The following BRINP2 variants were observed in gnomAD, a reference collection of about 807,000 sequenced individuals.
The protein encoded by BRINP2 is BMP/retinoic acid-inducible neural-specific protein 2.
In BRINP2, 21 loss-of-function variants were observed where a neutral mutation model predicts 69.2. The observed-to-expected ratio is 0.30, with a 90% CI of 0.22 to 0.44. The LOEUF (loss-of-function observed/expected upper bound fraction) is 0.44. Ranked by LOEUF, BRINP2 falls within the 20% of genes least tolerant of loss-of-function variation. The probability of loss-of-function intolerance (pLI) is 1.00; values close to 1 mark genes in which losing one functional copy is unlikely to be tolerated. For missense variants in BRINP2, 877 were observed against 986.0 expected (o/e 0.89, Z 1.48); for synonymous variants, 380 against 394.1 (o/e 0.96, Z 0.42).
intron 1 of BRINP2, among the ~76,000 whole-genome samples, chr1:177,199,964 T>C (rs1648853733): frequency 6.6e-6 from 1 of 152,150 alleles, no homozygotes; most frequent in South Asian, 2.1e-4. Flanking sequence ...ACCTCTGAAC[T>C]GGTCTCTACT....
At chr1:177,261,992 T>C (rs1650969684) in intron 4 of BRINP2, among the ~76,000 whole-genome samples, 1 of 152,168 alleles carries the variant, frequency 6.6e-6, no homozygotes, top group Non-Finnish European at 1.5e-5. Flanking sequence ...TGGAGGTCAC[T>C]GGTAACCTGG....
At chr1:177,176,833 T>C (rs1257099639) in intron 1 of BRINP2, among the ~76,000 whole-genome samples, 1 of 152,176 alleles carries the variant, frequency 6.6e-6, no homozygotes, top group African/African-American at 2.4e-5. Flanking sequence ...AGCTCTCAGC[T>C]CACATACAAA....
intron 2 of BRINP2, among the ~76,000 whole-genome samples, chr1:177,232,783 G>GAA (rs11325642): frequency 6.9e-6 from 1 of 145,708 alleles, no homozygotes; most frequent in African/African-American, 2.5e-5. Context: ...GTAGAAAGAG[G>GAA]AAAAAAAAAA....
At chr1:177,187,563 G>T (rs980257864) in intron 1 of BRINP2, among the ~76,000 whole-genome samples, 2 of 152,154 alleles carry the variant, frequency 1.3e-5, no homozygotes, top group African/African-American at 4.8e-5. Context: ...AGCTTCTGGG[G>T]CTTCATATGA....
intron 2 of BRINP2, among the ~76,000 whole-genome samples, chr1:177,251,825 C>T (rs900784753): frequency 9.2e-5 from 14 of 152,112 alleles, no homozygotes; most frequent in Non-Finnish European, 1.9e-4. Flanking sequence ...CTAAGTTGGC[C>T]TTTCCTTTCC....
intron 3 of BRINP2, 31 bp downstream of exon 3, chr1:177,256,140 G>T (rs201587895): frequency 4.5e-5 from 73 of 1,605,498 alleles, no homozygotes; most frequent in Admixed American, 4.2e-4. Flanking sequence ...AAGCTAATTG[G>T]TTGCCAGACC....
intron 2 of BRINP2, among the ~76,000 whole-genome samples, chr1:177,237,855 C>T (rs912857909): frequency 2.0e-5 from 3 of 152,154 alleles, no homozygotes; most frequent in Admixed American, 6.5e-5. Flanking sequence ...CCGACAGGGA[C>T]GCTGTCGAGT....
At chr1:177,243,463 C>A (rs956289732) in intron 2 of BRINP2, among the ~76,000 whole-genome samples, 2 of 152,140 alleles carry the variant, frequency 1.3e-5, no homozygotes, top group African/African-American at 4.8e-5. Context: ...CTAGACCCAA[C>A]AAGCAAGAAG....
At chr1:177,267,088 G>A (rs1364384049) in intron 4 of BRINP2, among the ~76,000 whole-genome samples, 3 of 152,108 alleles carry the variant, frequency 2.0e-5, no homozygotes, top group Non-Finnish European at 4.4e-5. Flanking sequence ...CATAGATTAG[G>A]CTCTTCTGCT....
chr1:177,201,752 C>T (rs1035463537), intron 1 of BRINP2, among the ~76,000 whole-genome samples: 2 of 152,084 alleles, frequency 1.3e-5, no homozygotes, highest in East Asian at 1.9e-4. Context: ...TTTCTATTGA[C>T]TGGAATAGTT....
At chr1:177,174,441 T>C (rs1409873445) in intron 1 of BRINP2, among the ~76,000 whole-genome samples, 2 of 152,226 alleles carry the variant, frequency 1.3e-5, no homozygotes, top group Admixed American at 6.5e-5. Context: ...GTTAGGAAAC[T>C]AGGCTCCCAT....
intron 1 of BRINP2, among the ~76,000 whole-genome samples, chr1:177,224,372 C>G (rs932065029): frequency 3.3e-5 from 5 of 152,324 alleles, no homozygotes; most frequent in South Asian, 2.1e-4. Flanking sequence ...TTTTATGTTT[C>G]AGTCCCTTTC....
At chr1:177,172,315 C>G (rs902847299) in intron 1 of BRINP2, among the ~76,000 whole-genome samples, 1 of 152,190 alleles carries the variant, frequency 6.6e-6, no homozygotes, top group African/African-American at 2.4e-5. Context: ...TTGACTTGAG[C>G]CTGGCAGAGC....
chr1:177,209,323 A>G (rs1649158204), intron 1 of BRINP2, among the ~76,000 whole-genome samples: 1 of 152,152 alleles, frequency 6.6e-6, no homozygotes, highest in Admixed American at 6.5e-5. Context: ...GGCCCTCCAC[A>G]CCAGCTGAGA....
At chr1:177,278,539 C>A (rs776286564) in intron 6 of BRINP2, 24 bp from the exon 7 acceptor site, 2 of 1,611,862 alleles carry the variant, frequency 1.2e-6, no homozygotes, top group South Asian at 2.2e-5. Flanking sequence ...CCCGTCAGCT[C>A]AGGTCCTGTG....
intron 4 of BRINP2, 88 bp downstream of exon 4, chr1:177,257,472 C>A: frequency 8.1e-7 from 1 of 1,240,748 alleles, no homozygotes; most frequent in Non-Finnish European, 1.1e-6. Flanking sequence ...TCTAGGTCAG[C>A]TGGGCCGACT....
intron 1 of BRINP2, among the ~76,000 whole-genome samples, chr1:177,200,236 G>A (rs12030733): frequency 0.44 from 63,701 of 144,316 alleles, 13,986 homozygotes; most frequent in Middle Eastern, 0.54. Context: ...AGGTTGCAGT[G>A]AGCTGAGATT....
Position 177,237,710 on chromosome 1 carries a change from A to T in BRINP2, c.269+7565A>T, listed in dbSNP as rs118154080. Reference sequence around the variant, plus strand: ...AAGAGATCTTGAGTCAGTCAGGCAAAGGAAAAGAGGATTAAATTTTGCTTC... The same window carrying T: ...AAGAGATCTTGAGTCAGTCAGGCAATGGAAAAGAGGATTAAATTTTGCTTC... On this transcript the variant is annotated intron_variant, in intron 2 of 7. Coordinates refer to ENST00000361539, the MANE Select transcript of BRINP2 (RefSeq NM_021165.4). 3.1e-4 allele frequency among the ~76,000 whole-genome samples: 47 copies of T among 152,318 alleles called. 1 individual carries two copies. In the East Asian group the frequency reaches 9.1e-3, roughly 29 times the overall value.
chr1:177,250,713 G>C (rs966763629), intron 2 of BRINP2, among the ~76,000 whole-genome samples: 9 of 152,120 alleles, frequency 5.9e-5, no homozygotes, highest in African/African-American at 2.2e-4. Flanking sequence ...TGGCACTATT[G>C]AAACTCTCTC....
Sources: allele counts gnomAD v4.1 joint callset (sites outside exome capture counted in the v4.1 genomes callset), GRCh38; gene constraint gnomAD v4.1.1; transcripts MANE v1.5; gene names NCBI Gene and HGNC (gene_info 2026-07-23, HGNC 2026-07-21).